SNTB2: variants seen among roughly 807,000 people sequenced by gnomAD.
The protein encoded by SNTB2 is syntrophin beta 2.
Under a neutral mutation model 46.2 loss-of-function variants are expected in SNTB2, and 34 were observed. The observed-to-expected ratio is 0.74, with a 90% CI of 0.56 to 0.98. The LOEUF is 0.98. SNTB2 is among the 50% of genes least tolerant of loss of function. The pLI is 0.00. For synonymous variants in SNTB2, 290 were observed against 312.6 expected (o/e 0.93, Z 0.76); for missense variants, 603 against 731.4 (o/e 0.82, Z 2.02).
chr16:69,207,347 C>A (rs1372905349), intron 1 of SNTB2, among the ~76,000 whole-genome samples: 1 of 149,942 alleles, frequency 6.7e-6, no homozygotes, highest in Admixed American at 6.7e-5. Flanking sequence ...GTAGAGATGG[C>A]GTTTCACTAT....
chr16:69,236,876 G>A (rs1023778899), intron 1 of SNTB2, among the ~76,000 whole-genome samples: 4 of 152,114 alleles, frequency 2.6e-5, no homozygotes, highest in African/African-American at 7.2e-5. Flanking sequence ...AACCTTGATC[G>A]AGCATGAGAA....
At chr16:69,223,790 G>A (rs187626659) in intron 1 of SNTB2, among the ~76,000 whole-genome samples, 25 of 152,182 alleles carry the variant, frequency 1.6e-4, no homozygotes, top group African/African-American at 4.6e-4. Flanking sequence ...CACCATGCCC[G>A]ACTAGTTTTT....
chr16:69,253,124 C>T (rs989132770), intron 2 of SNTB2, among the ~76,000 whole-genome samples: 1 of 151,170 alleles, frequency 6.6e-6, no homozygotes, highest in Non-Finnish European at 1.5e-5. Context: ...TGGTCTCGAT[C>T]TCCTGACCTC....
chr16:69,216,738 A>G (rs1481605857), intron 1 of SNTB2, among the ~76,000 whole-genome samples: 1 of 151,890 alleles, frequency 6.6e-6, no homozygotes, highest in African/African-American at 2.4e-5. Context: ...ACATGGATGT[A>G]AGCTCTGAAG....
At chr16:69,207,111 G>C (rs1255749583) in intron 1 of SNTB2, among the ~76,000 whole-genome samples, 1 of 149,864 alleles carries the variant, frequency 6.7e-6, no homozygotes, top group African/African-American at 2.5e-5. Flanking sequence ...ATTCTTAGAG[G>C]CTTTAAAGTA....
chr16:69,284,924 C>T (rs1965087849), intron 5 of SNTB2, among the ~76,000 whole-genome samples: 2 of 152,084 alleles, frequency 1.3e-5, no homozygotes, highest in South Asian at 2.1e-4. Context: ...AAAAGATACA[C>T]GAATGCTTAC....
rs545289851 is a variant in SNTB2, at chr16:69,199,042, G to A, written c.580+11296G>A. Among the ~76,000 whole-genome samples, 15 of 151,814 alleles carry A rather than the reference G, an allele frequency of 9.9e-5. 1 individual carries two copies. In the South Asian group the frequency reaches 2.7e-3, roughly 27 times the overall value. ...CTCCCGAGTAGCTGGGATTACAGGC[G>A]CACGCCACCATGTCCAGCTAATTTT... On this transcript the variant is annotated intron_variant, in intron 1 of 6. Transcript: ENST00000336278.
chr16:69,212,328 GTATTTATTTATT>G (rs71254073), intron 1 of SNTB2, among the ~76,000 whole-genome samples: 2 of 150,792 alleles, frequency 1.3e-5, no homozygotes, highest in Non-Finnish European at 3.0e-5. Flanking sequence ...CTTTGTGTTT[GTATTTATTTATT>G]TATTTATTTA....
intron 2 of SNTB2, among the ~76,000 whole-genome samples, chr16:69,247,681 A>G (rs533196444): frequency 8.5e-5 from 13 of 152,166 alleles, no homozygotes; most frequent in Non-Finnish European, 1.9e-4. Flanking sequence ...AAGTCCCTTC[A>G]CTTCCATACA....
At chr16:69,213,657 G>A (rs1478507169) in intron 1 of SNTB2, among the ~76,000 whole-genome samples, 3 of 151,258 alleles carry the variant, frequency 2.0e-5, no homozygotes, top group East Asian at 3.9e-4. Flanking sequence ...GTGCCACCAC[G>A]CCCGGCTAAT....
intron 1 of SNTB2, among the ~76,000 whole-genome samples, chr16:69,191,922 T>C (rs1964058812): frequency 6.6e-6 from 1 of 152,190 alleles, no homozygotes; most frequent in Non-Finnish European, 1.5e-5. Flanking sequence ...ATTACAGGCA[T>C]GAGCCACCGC....
rs1419690188 is a variant in SNTB2 at position 69,303,568 on chromosome 16, G to T, written c.*2644G>T. On this transcript the variant is annotated 3_prime_UTR_variant, in exon 7 of 7. Coordinates refer to ENST00000336278, the MANE Select transcript of SNTB2 (RefSeq NM_006750.4). ...CTGTAGGGTTCTTAATATCTTTTGA[G>T]TCTTGCTGTGAAATGAAAGTGTGGG... is the stretch of plus-strand genomic sequence containing the variant. 1 of 152,640 alleles carries T rather than the reference G, an allele frequency of 6.6e-6. No homozygotes were observed. Among genetic ancestry groups the T allele is most frequent in the African/African-American group, 2.4e-5 (1 of 41,450 alleles). 9.5% of individuals were successfully genotyped at this position (152,640 alleles called of 1,614,324 possible).
At chr16:69,190,338 T>C (rs1467180350) in intron 1 of SNTB2, among the ~76,000 whole-genome samples, 2 of 152,206 alleles carry the variant, frequency 1.3e-5, no homozygotes, top group Admixed American at 1.3e-4. Flanking sequence ...CTATAGTCTT[T>C]GGTTGCCTGT....
At chr16:69,258,575 A>T (rs1036691965) in intron 2 of SNTB2, among the ~76,000 whole-genome samples, 1 of 150,922 alleles carries the variant, frequency 6.6e-6, no homozygotes, top group Non-Finnish European at 1.5e-5. Flanking sequence ...TTTACAGAGT[A>T]ATAATCTTCT....
intron 5 of SNTB2, among the ~76,000 whole-genome samples, chr16:69,285,101 T>C (rs1033275197): frequency 2.6e-5 from 4 of 152,254 alleles, no homozygotes; most frequent in African/African-American, 7.2e-5. Context: ...AATCATCTTA[T>C]GATGCATTAT....
intron 1 of SNTB2, among the ~76,000 whole-genome samples, chr16:69,232,208 CTTTT>C (rs34688718): frequency 7.3e-6 from 1 of 136,588 alleles, no homozygotes. Context: ...TTTCTTTTTT[CTTTT>C]TTTTTTTTTT....
chr16:69,251,140 G>A (rs992026946), intron 2 of SNTB2, among the ~76,000 whole-genome samples: 16 of 150,694 alleles, frequency 1.1e-4, no homozygotes, highest in Non-Finnish European at 1.9e-4. Context: ...CACTACGCCC[G>A]GCTAATTTTT....
At chr16:69,221,914 C>G (rs972415669) in intron 1 of SNTB2, among the ~76,000 whole-genome samples, 5 of 152,168 alleles carry the variant, frequency 3.3e-5, no homozygotes, top group Admixed American at 3.3e-4. Flanking sequence ...CAGGTATGAG[C>G]TGATAGATAC....
intron 1 of SNTB2, among the ~76,000 whole-genome samples, chr16:69,237,674 C>T (rs912147862): frequency 7.0e-6 from 1 of 142,578 alleles, no homozygotes; most frequent in African/African-American, 2.7e-5. Flanking sequence ...GCGATCTTGG[C>T]TCACTGCAAC....
Sources: allele counts gnomAD v4.1 joint callset (sites outside exome capture counted in the v4.1 genomes callset), GRCh38; gene constraint gnomAD v4.1.1; transcripts MANE v1.5; gene names NCBI Gene and HGNC (gene_info 2026-07-23, HGNC 2026-07-21).